ULK4: variants seen among roughly 807,000 people sequenced by gnomAD.
ULK4 encodes inactive serine/threonine-protein kinase ULK4.
A neutral mutation model predicts 160.6 loss-of-function variants in ULK4; 133 were observed. The observed-to-expected ratio is 0.83, with a 90% CI of 0.72 to 0.96. The LOEUF (loss-of-function observed/expected upper bound fraction) is 0.96, where lower values mean the gene tolerates loss of function less well. Among genes scored for constraint, ULK4 ranks in the 40% least tolerant of loss-of-function variants. The pLI is 0.00. For synonymous variants in ULK4, 534 were observed against 539.8 expected (o/e 0.99, Z 0.15); for missense variants, 1,580 against 1,499.5 (o/e 1.05, Z -0.89).
intron 3 of ULK4, among the ~76,000 whole-genome samples, chr3:41,936,382 C>T (rs1014344619): frequency 2.6e-5 from 4 of 152,166 alleles, no homozygotes; most frequent in South Asian, 4.1e-4. Flanking sequence ...CCTTAGCACG[C>T]GCCATTGATG....
intron 7 of ULK4, among the ~76,000 whole-genome samples, chr3:41,917,332 G>C (rs909947295): frequency 3.3e-5 from 5 of 151,984 alleles, no homozygotes; most frequent in African/African-American, 1.2e-4. Context: ...CCAAGACCTT[G>C]TCTCCACCAA....
chr3:41,795,678 C>T (rs1252739983), intron 20 of ULK4, among the ~76,000 whole-genome samples: 1 of 152,156 alleles, frequency 6.6e-6, no homozygotes, highest in Non-Finnish European at 1.5e-5. Flanking sequence ...GTATTATTAA[C>T]CCTTCCAAAA....
chr3:41,278,902 C>T (rs966252998), intron 35 of ULK4, among the ~76,000 whole-genome samples: 4 of 152,090 alleles, frequency 2.6e-5, no homozygotes, highest in South Asian at 2.1e-4. Flanking sequence ...TCCAAAGGAT[C>T]GCAGCCCCAT....
chr3:41,407,416 A>G (rs1219408025), intron 34 of ULK4, among the ~76,000 whole-genome samples: 1 of 152,194 alleles, frequency 6.6e-6, no homozygotes, highest in African/African-American at 2.4e-5. Flanking sequence ...AACAACAACA[A>G]TAACAACAAA....
At chr3:41,833,450 C>G (rs2041658797) in intron 18 of ULK4, among the ~76,000 whole-genome samples, 1 of 151,970 alleles carries the variant, frequency 6.6e-6, no homozygotes. Context: ...TGCCCACCAC[C>G]ATGCCTGGCT....
At chr3:41,419,578 G>A (rs554104534) in intron 34 of ULK4, among the ~76,000 whole-genome samples, 3 of 152,258 alleles carry the variant, frequency 2.0e-5, no homozygotes, top group Non-Finnish European at 4.4e-5. Flanking sequence ...TGGTGGCGGT[G>A]GAGCTTGGAA....
chr3:41,860,091 A>T (rs2042464986), intron 17 of ULK4, among the ~76,000 whole-genome samples: 1 of 152,168 alleles, frequency 6.6e-6, no homozygotes, highest in Non-Finnish European at 1.5e-5. Flanking sequence ...GTGGTCAGAA[A>T]AGAGGCTTGA....
At chr3:41,610,797 T>A (rs527541912) in intron 31 of ULK4, among the ~76,000 whole-genome samples, 1 of 152,330 alleles carries the variant, frequency 6.6e-6, no homozygotes, top group South Asian at 2.1e-4. Context: ...ACATAAAATA[T>A]CATGACAGCA....
At chr3:41,654,202 CT>C (rs1246484777) in intron 30 of ULK4, among the ~76,000 whole-genome samples, 1 of 152,188 alleles carries the variant, frequency 6.6e-6, no homozygotes, top group Non-Finnish European at 1.5e-5. Context: ...CAACATGTAT[CT>C]ATTCTAAATA....
At chr3:41,258,986 A>ATG (rs2078892364) in intron 35 of ULK4, among the ~76,000 whole-genome samples, 1 of 149,666 alleles carries the variant, frequency 6.7e-6, no homozygotes, top group African/African-American at 2.4e-5. Context: ...ATATATACAG[A>ATG]TATACATATA....
At chr3:41,549,035 C>T (rs994673366) in intron 32 of ULK4, among the ~76,000 whole-genome samples, 19 of 152,230 alleles carry the variant, frequency 1.2e-4, no homozygotes, top group Middle Eastern at 6.8e-3. Context: ...GATACATCTA[C>T]AGGAAAAAAG....
chr3:41,855,912 A>G (rs941682976), intron 17 of ULK4, among the ~76,000 whole-genome samples: 5 of 152,226 alleles, frequency 3.3e-5, no homozygotes, highest in African/African-American at 1.2e-4. Context: ...GCAAAGGTAC[A>G]TTCATAGCCT....
intron 22 of ULK4, among the ~76,000 whole-genome samples, chr3:41,730,224 C>T (rs2037779106): frequency 6.6e-6 from 1 of 152,058 alleles, no homozygotes; most frequent in Non-Finnish European, 1.5e-5. Flanking sequence ...AAACATTATA[C>T]TTCAAGGAAC....
At chr3:41,334,740 ATGTG>A (rs1366912484) in intron 35 of ULK4, among the ~76,000 whole-genome samples, 1 of 152,220 alleles carries the variant, frequency 6.6e-6, no homozygotes, top group African/African-American at 2.4e-5. Context: ...TATGTCTGAG[ATGTG>A]TATTTTAATA....
chr3:41,513,314 C>T (rs1370564746), intron 32 of ULK4, among the ~76,000 whole-genome samples: 1 of 152,168 alleles, frequency 6.6e-6, no homozygotes, highest in East Asian at 1.9e-4. Context: ...CTTAATTCAA[C>T]TAAAAAGCTT....
intron 32 of ULK4, among the ~76,000 whole-genome samples, chr3:41,538,093 T>C (rs544072680): frequency 6.6e-6 from 1 of 152,254 alleles, no homozygotes; most frequent in African/African-American, 2.4e-5. Flanking sequence ...AAGCCAAACC[T>C]CTTTCTAAAA....
intron 17 of ULK4, among the ~76,000 whole-genome samples, chr3:41,875,921 G>C (rs1697281104): frequency 1.4e-5 from 2 of 139,280 alleles, no homozygotes; most frequent in Non-Finnish European, 3.0e-5. Context: ...TTCCTGATGA[G>C]TTCAAATATG....
At chr3:41,949,740 T>G (rs949552261) in intron 2 of ULK4, among the ~76,000 whole-genome samples, 3 of 148,710 alleles carry the variant, frequency 2.0e-5, no homozygotes, top group African/African-American at 7.3e-5. Flanking sequence ...TGCCTTTTTT[T>G]TTTTCTTTCT....
intron 35 of ULK4, among the ~76,000 whole-genome samples, chr3:41,375,601 C>T (rs1470149099): frequency 6.7e-6 from 1 of 150,082 alleles, no homozygotes; most frequent in East Asian, 2.1e-4. Flanking sequence ...AACTGTACCC[C>T]TTCCCTACAC....
Sources: allele counts gnomAD v4.1 joint callset (sites outside exome capture counted in the v4.1 genomes callset), GRCh38; gene constraint gnomAD v4.1.1; transcripts MANE v1.5; gene names NCBI Gene and HGNC (gene_info 2026-07-23, HGNC 2026-07-21).